Variants in RHBDD1 observed in about 807,000 individuals in gnomAD.
The protein encoded by RHBDD1 is rhomboid-related protein 4.
RHBDD1 carries 38 observed loss-of-function variants against 36.3 expected under a neutral mutation model. The observed-to-expected ratio is 1.05, with a 90% CI of 0.81 to 1.37. RHBDD1 has a LOEUF of 1.37. Among genes scored for constraint, RHBDD1 ranks in the 40% most tolerant of loss-of-function variants. The pLI, the probability that RHBDD1 is intolerant of heterozygous loss-of-function variation, is 0.00. For missense variants in RHBDD1, 393 were observed against 377.6 expected (o/e 1.04, Z -0.34); for synonymous variants, 151 against 136.5 (o/e 1.11, Z -0.74).
chr2:226,805,976 G>A, the RHBDD1 span, among the ~76,000 whole-genome samples: 1 of 152,034 alleles, frequency 6.6e-6, no homozygotes, highest in East Asian at 1.9e-4. Context: ...AGGGTCTGGT[G>A]GTAGAACTAG....
intron 5 of RHBDD1, among the ~76,000 whole-genome samples, chr2:226,894,542 A>G (rs1946943969): frequency 6.6e-6 from 1 of 152,172 alleles, no homozygotes; most frequent in African/African-American, 2.4e-5. Context: ...AAGTGCTTGG[A>G]TTGCAGGCGT....
At chr2:226,822,582 C>T in the RHBDD1 span, among the ~76,000 whole-genome samples, 3 of 146,582 alleles carry the variant, frequency 2.0e-5, no homozygotes, top group South Asian at 4.3e-4. Context: ...CGCAATGAGC[C>T]GAGATCGTGC....
intron 3 of RHBDD1, among the ~76,000 whole-genome samples, chr2:226,858,701 A>G (rs1943557681): frequency 6.6e-6 from 1 of 152,090 alleles, no homozygotes; most frequent in Non-Finnish European, 1.5e-5. Context: ...TGGTTTCCCA[A>G]GTTATGAATT....
At chr2:226,992,194 T>C (rs941558489) in intron 8 of RHBDD1, among the ~76,000 whole-genome samples, 1 of 152,214 alleles carries the variant, frequency 6.6e-6, no homozygotes, top group Non-Finnish European at 1.5e-5. Flanking sequence ...AGACAGAGTG[T>C]ACCTGAGACT....
At chr2:226,990,519 A>G (rs747839205) in intron 8 of RHBDD1, among the ~76,000 whole-genome samples, 23 of 152,330 alleles carry the variant, frequency 1.5e-4, no homozygotes, top group African/African-American at 5.5e-4. Context: ...GGCAGGATCT[A>G]TGAATAGCAG....
chr2:226,895,794 A>G (rs1947054131), intron 5 of RHBDD1: 1 of 985,248 alleles, frequency 1.0e-6, no homozygotes, highest in African/African-American at 1.7e-5. Flanking sequence ...GTTCTTAACA[A>G]CTCACCCCAG....
chr2:226,941,136 G>T (rs1950636724), intron 8 of RHBDD1, among the ~76,000 whole-genome samples: 1 of 151,906 alleles, frequency 6.6e-6, no homozygotes, highest in Non-Finnish European at 1.5e-5. Flanking sequence ...TTGTTTGTTT[G>T]TTTGTTTGTT....
Position 226,996,860 on chromosome 2 carries a change from T to C in RHBDD1, c.*1338T>C, listed in dbSNP as rs1343968531. The C allele has an allele frequency of 6.6e-6, 1 of 152,182 alleles. No individual in the cohort carries two copies. The highest frequency in any genetic ancestry group is 1.9e-4 in the East Asian group (1 of 5,194). The allele number at this position is 152,182 out of a possible 1,614,324, so 9.4% of individuals were successfully genotyped here. A position where few individuals can be genotyped will look rare whatever the true frequency, so the allele number is the denominator to read the frequency against. On this transcript the variant is annotated 3_prime_UTR_variant, in exon 9 of 9. Transcript: ENST00000392062. ...TCAAGAAAACAGACTTAAAAATAAA[T>C]ACTATGTGTCCATTGAGAAAATTCA... is the stretch of plus-strand genomic sequence containing the variant.
At chr2:226,972,961 G>A (rs915379742) in intron 8 of RHBDD1, among the ~76,000 whole-genome samples, 2 of 150,890 alleles carry the variant, frequency 1.3e-5, no homozygotes, top group Admixed American at 1.3e-4. Flanking sequence ...AACCATGCAG[G>A]TTCCCCCACT....
chr2:226,899,693 TATC>T (rs1199529368), intron 5 of RHBDD1, among the ~76,000 whole-genome samples: 1 of 152,220 alleles, frequency 6.6e-6, no homozygotes, highest in East Asian at 1.9e-4. Flanking sequence ...GTACATTTAT[TATC>T]AGCAGCAGTA....
intron 5 of RHBDD1, among the ~76,000 whole-genome samples, chr2:226,870,734 T>G (rs1282249770): frequency 6.6e-6 from 1 of 152,264 alleles, no homozygotes; most frequent in Non-Finnish European, 1.5e-5. Flanking sequence ...TATCATATAC[T>G]GTATTGTTAC....
At chr2:226,987,378 G>A (rs905984708) in intron 8 of RHBDD1, among the ~76,000 whole-genome samples, 1 of 152,184 alleles carries the variant, frequency 6.6e-6, no homozygotes, top group Non-Finnish European at 1.5e-5. Flanking sequence ...GCACTGAAGA[G>A]AGACAAAATG....
intron 8 of RHBDD1, among the ~76,000 whole-genome samples, chr2:226,975,995 A>AGGTCTCCTGCCCCCCAACT (rs1954496529): frequency 6.6e-6 from 1 of 151,866 alleles, no homozygotes; most frequent in African/African-American, 2.4e-5. Flanking sequence ...AGTTGAAAAT[A>AGGTCTCCTGCCCCCCAACT]GGTCTCCTGC....
At chr2:226,988,861 A>G (rs1232040329) in intron 8 of RHBDD1, 5 of 236,234 alleles carry the variant, frequency 2.1e-5, no homozygotes, top group Non-Finnish European at 3.4e-5. Context: ...GCCAAACCTT[A>G]CTCCTTGTCA....
At chr2:226,966,659 G>T (rs749279675) in intron 8 of RHBDD1, among the ~76,000 whole-genome samples, 1 of 152,102 alleles carries the variant, frequency 6.6e-6, no homozygotes, top group East Asian at 1.9e-4. Context: ...TGTGTGCCTG[G>T]TGGCCATTGT....
At chr2:226,941,020 C>A (rs1950627410) in intron 8 of RHBDD1, among the ~76,000 whole-genome samples, 2 of 148,254 alleles carry the variant, frequency 1.3e-5, no homozygotes, top group African/African-American at 5.1e-5. Context: ...GATCTCGGCT[C>A]ACTGCAACCT....
At chr2:226,812,611 G>A in the RHBDD1 span, among the ~76,000 whole-genome samples, 1 of 151,912 alleles carries the variant, frequency 6.6e-6, no homozygotes, top group East Asian at 1.9e-4. Flanking sequence ...GAAAAGTAAG[G>A]TGCAGAACTG....
the RHBDD1 span, among the ~76,000 whole-genome samples, chr2:226,827,743 T>C: frequency 6.6e-6 from 1 of 152,248 alleles, no homozygotes; most frequent in Non-Finnish European, 1.5e-5. Context: ...TCATTGATAG[T>C]AATGTAGATT....
chr2:226,822,321 T>C, the RHBDD1 span, among the ~76,000 whole-genome samples: 3 of 148,486 alleles, frequency 2.0e-5, no homozygotes, highest in African/African-American at 7.8e-5. Flanking sequence ...TTGGGGATGC[T>C]TGCTCTTTTG....
Sources: allele counts gnomAD v4.1 joint callset (sites outside exome capture counted in the v4.1 genomes callset), GRCh38; gene constraint gnomAD v4.1.1; transcripts MANE v1.5; gene names NCBI Gene and HGNC (gene_info 2026-07-23, HGNC 2026-07-21).